The following SYTL2 variants were observed in gnomAD, a reference collection of about 807,000 sequenced individuals.
The protein encoded by SYTL2 is synaptotagmin-like protein 2.
In SYTL2, 165 loss-of-function variants were observed where a neutral mutation model predicts 198.7. The observed-to-expected ratio is 0.83, with a 90% CI of 0.73 to 0.94. The LOEUF is 0.94. SYTL2 is among the 40% of genes least tolerant of loss of function. SYTL2 has a pLI of 0.00. For synonymous variants in SYTL2, 966 were observed against 917.7 expected (o/e 1.05, Z -0.95); for missense variants, 2,835 against 2,582.8 (o/e 1.10, Z -2.12).
rs192875078 is a variant in SYTL2 at position 85,755,102 on chromosome 11, G to A, written c.101+2523C>T. ...CAAACAGCAATGGAATGGAAAAGGC[G>A]CTGACAAACAAAAGCCCATGGAGTA... On this transcript the variant is annotated intron_variant, in intron 2 of 19. Transcript: ENST00000359152. Among the ~76,000 whole-genome samples, 6 of 152,244 alleles carry A rather than the reference G, an allele frequency of 3.9e-5. No homozygotes were observed. In the East Asian group the frequency reaches 9.7e-4, roughly 24 times the overall value.
At chr11:85,830,466 T>C in the SYTL2 span, among the ~76,000 whole-genome samples, 5 of 152,346 alleles carry the variant, frequency 3.3e-5, no homozygotes, top group African/African-American at 1.2e-4. Flanking sequence ...AAACCTTCCA[T>C]GCAGCATGTG....
chr11:85,720,866 T>A lies in SYTL2; in HGVS notation c.5420A>T (p.Asp1807Val), dbSNP rs375587955. ...PSKSLEDISS[D>V]SSNQAKVDNQ... is the part of the protein sequence containing the mutation. ...GCGAACTTTATTCTCACTTGATGAATCTGATGAAATGTCTTCTAGACTTTT... is the reference window on the plus strand; with the variant it reads ...GCGAACTTTATTCTCACTTGATGAAACTGATGAAATGTCTTCTAGACTTTT... Residue 1807 changes from aspartate to valine, a missense_variant, in exon 9 of 20, where the codon GAT (aspartate) becomes GTT (valine). Asp to Val is a radical substitution (Grantham distance 152). Transcript: ENST00000359152. 6.2e-7 allele frequency: 1 copy of A among 1,611,238 alleles called. No individual in the cohort carries two copies. The highest frequency in any genetic ancestry group is 8.5e-7 in the Non-Finnish European group (1 of 1,177,350).
In SYTL2 at chr11:85,726,472, C is replaced by T. The variant is rs1300175466; in HGVS notation, c.2886G>A (p.Met962Ile). ...VRESNANFKV[M>I]SLKERMDEPN... The stretch of plus-strand genomic sequence containing the variant: ...GTTCATCCATTCTTTCTTTTAGGGA[C>T]ATAACTTTAAAGTTGGCATTTGATT... The change falls in exon 8 of 20, where the codon ATG becomes ATA. Residue 962 changes from methionine (M) to isoleucine (I), a missense_variant. By Grantham distance (10) the Met-to-Ile change is conservative (BLOSUM62 1). Around this residue, in one of 3 missense-constraint regions of SYTL2, gnomAD observed 2,645 missense variants for 2,381.7 expected, o/e 1.11. Coordinates refer to ENST00000359152, the MANE Select transcript of SYTL2 (RefSeq NM_206927.4). 1 of 1,612,012 alleles carries T rather than the reference C, an allele frequency of 6.2e-7. No homozygotes were observed. Among genetic ancestry groups the T allele is most frequent in the Non-Finnish European group, 8.5e-7 (1 of 1,179,980 alleles).
the SYTL2 span, among the ~76,000 whole-genome samples, chr11:85,835,356 A>G: frequency 6.6e-6 from 1 of 152,110 alleles, no homozygotes; most frequent in Non-Finnish European, 1.5e-5. Context: ...CACTTACTCC[A>G]TCCTCTAGCC....
At chr11:85,804,310 G>T (rs949320394) in intron 1 of SYTL2, among the ~76,000 whole-genome samples, 1 of 152,174 alleles carries the variant, frequency 6.6e-6, no homozygotes, top group African/African-American at 2.4e-5. Flanking sequence ...AACTCAGTTT[G>T]CAGCTTCGTA....
In SYTL2 at chr11:85,724,742, G is replaced by A. The variant is rs372080044; in HGVS notation, c.4616C>T (p.Thr1539Ile). 36 of 1,613,606 alleles carry A rather than the reference G, an allele frequency of 2.2e-5. No individual in the cohort carries two copies. Among genetic ancestry groups the A allele is most frequent in the Non-Finnish European group, 2.5e-5 (30 of 1,179,888 alleles). Residue 1539 changes from threonine to isoleucine, a missense_variant, in exon 8 of 20, where the codon ACT (threonine) becomes ATT (isoleucine). Around this residue, in one of 3 missense-constraint regions of SYTL2, gnomAD observed 2,645 missense variants for 2,381.7 expected, o/e 1.11. Transcript: ENST00000359152. ...IGSTEEPRRATSECHPEELKE... is the reference protein window; with the variant it reads ...IGSTEEPRRAISECHPEELKE... The stretch of plus-strand genomic sequence containing the variant: ...TAATTCCTCAGGATGGCATTCAGAA[G>A]TGGCTCGCCTGGGCTCCTCTGTACT...
chr11:85,743,231 G>A (rs1462465517), intron 4 of SYTL2, among the ~76,000 whole-genome samples: 3 of 152,170 alleles, frequency 2.0e-5, no homozygotes, highest in African/African-American at 7.2e-5. Context: ...AACACACCCA[G>A]TTCACAAAGG....
chr11:85,706,756 A>G (rs2085218417), intron 15 of SYTL2, among the ~76,000 whole-genome samples: 1 of 152,222 alleles, frequency 6.6e-6, no homozygotes, highest in Non-Finnish European at 1.5e-5. Flanking sequence ...GAAAAATAGC[A>G]TAATCAGAAT....
intron 2 of SYTL2, among the ~76,000 whole-genome samples, chr11:85,750,141 C>T (rs17148401): frequency 0.055 from 8,426 of 152,100 alleles, 753 homozygotes; most frequent in African/African-American, 0.19. Flanking sequence ...TTCAAGGCTC[C>T]CCAAATTACA....
At chr11:85,749,512 G>T (rs575335814) in intron 2 of SYTL2, among the ~76,000 whole-genome samples, 25 of 152,280 alleles carry the variant, frequency 1.6e-4, no homozygotes, top group Non-Finnish European at 3.4e-4. Flanking sequence ...GGGAAAAAGA[G>T]GGGGAGCAGT....
At chr11:85,738,844 A>G (rs931919980) in intron 4 of SYTL2, among the ~76,000 whole-genome samples, 2 of 152,034 alleles carry the variant, frequency 1.3e-5, no homozygotes, top group Admixed American at 1.3e-4. Flanking sequence ...GTCTTTTTCC[A>G]CCATCTTTCT....
Position 85,709,623 on chromosome 11 carries a change from A to G in SYTL2, c.5746-123T>C, listed in dbSNP as rs182167636. On this transcript the variant is annotated intron_variant, in intron 13 of 19. Transcript: ENST00000359152. The stretch of plus-strand genomic sequence containing the variant: ...CTTGCTTATAAAAGCAGTTAATTCA[A>G]TATAGCATAAAGACATATCTATAAA... The G allele has an allele frequency of 7.3e-5, 63 of 857,912 alleles. No homozygotes were observed. In the East Asian group the frequency reaches 1.5e-3, roughly 21 times the overall value. The allele number at this position is 857,912 out of a possible 1,614,324, so 53.1% of individuals were successfully genotyped here. A position where few individuals can be genotyped will look rare whatever the true frequency, so the allele number is the denominator to read the frequency against.
chr11:85,749,791 C>T (rs908230974), intron 2 of SYTL2, among the ~76,000 whole-genome samples: 1 of 152,214 alleles, frequency 6.6e-6, no homozygotes, highest in Non-Finnish European at 1.5e-5. Context: ...CCTTTGCCTT[C>T]TCCTCCCAAA....
chr11:85,775,685 T>C (rs1702012215), intron 1 of SYTL2, among the ~76,000 whole-genome samples: 1 of 152,182 alleles, frequency 6.6e-6, no homozygotes, highest in African/African-American at 2.4e-5. Flanking sequence ...TTCACCATGT[T>C]GACCAGGCTG....
At chr11:85,729,268 C>A (rs2089561107) in intron 7 of SYTL2, among the ~76,000 whole-genome samples, 1 of 152,194 alleles carries the variant, frequency 6.6e-6, no homozygotes, top group South Asian at 2.1e-4. Flanking sequence ...ACTCTCCACC[C>A]CAAATCAACA....
chr11:85,728,167 G>A, intron 7 of SYTL2, 200 bp from the exon 8 acceptor site: 1 of 525,302 alleles, frequency 1.9e-6, no homozygotes, highest in Non-Finnish European at 3.3e-6. Context: ...TGACAGTAAA[G>A]GAAAGGAAAT....
At position 85,704,863 on chromosome 11, in the gene SYTL2, G is replaced by C. The variant is rs374075595; in HGVS notation, c.6184C>G (p.Arg2062Gly). ...ACAAAAAATTCCGGACTCACCTTCC[G>C]CTTCAGAGGGTACCATCTCAATTGT... is the stretch of plus-strand genomic sequence containing the variant. ...NKQLRWYPLK[R>G]KTAPVALEAE... The change falls in exon 16 of 20, where the codon CGG (arginine) becomes GGG (glycine). Residue 2062 changes from arginine (R) to glycine (G), a missense_variant. Physicochemically the swap from Arg to Gly is moderately radical, Grantham distance 125. Around this residue, in one of 3 missense-constraint regions of SYTL2, gnomAD observed 2,645 missense variants for 2,381.7 expected, o/e 1.11. Coordinates refer to ENST00000359152, the MANE Select transcript of SYTL2 (RefSeq NM_206927.4). 3 of 1,611,144 alleles carry C rather than the reference G, an allele frequency of 1.9e-6. No individual in the cohort carries two copies. The East Asian group carries it at 6.7e-5, about 36-fold the overall frequency.
At chr11:85,830,118 A>G in the SYTL2 span, among the ~76,000 whole-genome samples, 2 of 152,188 alleles carry the variant, frequency 1.3e-5, no homozygotes, top group Non-Finnish European at 1.5e-5. Context: ...CTCAAACTTC[A>G]GTGTGTATCA....
rs1350193209 is a variant in SYTL2, at chr11:85,726,571, T to C, written c.2787A>G (p.Pro929=). 6.3e-7 allele frequency: 1 copy of C among 1,586,144 alleles called. No individual in the cohort carries two copies. Among genetic ancestry groups the C allele is most frequent in the Non-Finnish European group, 8.5e-7 (1 of 1,171,812 alleles). ...CGACATTTGAGGGAGGTTGCAGTGC[T>C]GGTAAAGTAATGTTTCTTCTAGAAG... ...SLPSRRNITL[P]ALQPPSNVGS... is the part of the protein sequence containing the mutation. The change falls in exon 8 of 20, where the codon CCA becomes CCG. Residue 929 remains proline (P), a synonymous_variant. Coordinates refer to ENST00000359152, the MANE Select transcript of SYTL2 (RefSeq NM_206927.4).
Sources: gnomAD v4.1 joint callset for allele counts (sites outside exome capture counted in the v4.1 genomes callset) on GRCh38, gnomAD v4.1.1 for gene constraint, gnomAD v4.1.1 regional missense constraint, MANE v1.5 for transcripts, NCBI Gene and HGNC (gene_info 2026-07-23, HGNC 2026-07-21) for gene names.